KCNQ1OT1: variants seen among roughly 807,000 people sequenced by gnomAD.
KCNQ1OT1 encodes the protein KCNQ1 opposite strand/antisense transcript 1, also known as KCNQ1 antisense RNA 2 (non-protein coding).
chr11:2,616,217 ATTTT>A, exon 1 of KCNQ1OT1: 2 of 384,776 alleles, frequency 5.2e-6, no homozygotes, highest in Non-Finnish European at 9.1e-6. Flanking sequence ...TTTTTTTCTT[ATTTT>A]TGTTTTTTTT....
exon 1 of KCNQ1OT1, chr11:2,640,202 G>A (rs1849551204): frequency 5.1e-6 from 2 of 391,704 alleles, no homozygotes; most frequent in Non-Finnish European, 4.5e-6. Flanking sequence ...TCAGTGGGCT[G>A]CACCCACTGT....
chr11:2,618,934 C>T (rs983802180), exon 1 of KCNQ1OT1: 13 of 398,062 alleles, frequency 3.3e-5, no homozygotes, highest in Non-Finnish European at 4.4e-5. Flanking sequence ...TTTTTTGATG[C>T]TATCATAAAT....
At position 2,612,843 on chromosome 11, in the gene KCNQ1OT1, G is replaced by A. The variant is rs955902206; in HGVS notation, n.87152C>T. ...AAAAACTTACTTTAGATAATATATC[G>A]TAGAAACTCTGGATTCTAGTTCTTC... On this transcript the variant is annotated non_coding_transcript_exon_variant, in exon 1 of 1. Transcript: ENST00000597346. The surrounding 1 kb of genome is among the most constrained non-coding windows in gnomAD (Gnocchi z 5.5). 14 of 398,032 alleles carry A rather than the reference G, an allele frequency of 3.5e-5. No individual in the cohort carries two copies. Among genetic ancestry groups the A allele is most frequent in the South Asian group, 1.3e-4 (1 of 7,838 alleles). The allele number at this position is 398,032 out of a possible 1,614,324, so 24.7% of individuals were successfully genotyped here. A position where few individuals can be genotyped will look rare whatever the true frequency, so the allele number is the denominator to read the frequency against.
At position 2,653,309 on chromosome 11, in the gene KCNQ1OT1, G is replaced by T; in HGVS notation, n.46686C>A. 4 of 398,646 alleles carry T rather than the reference G, an allele frequency of 1.0e-5. No homozygotes were observed. The highest frequency in any genetic ancestry group is 1.8e-5 in the Non-Finnish European group (4 of 226,104). 24.7% of individuals were successfully genotyped at this position (398,646 alleles called of 1,614,324 possible). A position where few individuals can be genotyped will look rare whatever the true frequency, so the allele number is the denominator to read the frequency against. On this transcript the variant is annotated non_coding_transcript_exon_variant, in exon 1 of 1. Coordinates refer to ENST00000597346, the Ensembl canonical transcript of KCNQ1OT1. This position sits in a 1 kb window ranked among gnomAD's most constrained non-coding sequence, Gnocchi z 5.3. ...CAGTGCAGACCAGTTTAGCTATTTT[G>T]TAACCTTGACTGCCCCCAGGCCCAT...
chr11:2,630,318 T>G (rs992770909), exon 1 of KCNQ1OT1: 3 of 398,194 alleles, frequency 7.5e-6, no homozygotes, highest in African/African-American at 6.2e-5. Context: ...TTGATCATAT[T>G]TTGTTGAAAA....
In KCNQ1OT1 at chr11:2,661,670, C is replaced by T. The variant is rs1849958473; in HGVS notation, n.38325G>A. On this transcript the variant is annotated non_coding_transcript_exon_variant, in exon 1 of 1. Coordinates refer to ENST00000597346, the Ensembl canonical transcript of KCNQ1OT1. This position sits in a 1 kb window ranked among gnomAD's most constrained non-coding sequence, Gnocchi z 5.9. Reference sequence around the variant, plus strand: ...TGTGAACATGGGAAGAGGCCCAGAACCTGAGGTGGGGAGAGTCTTGGACAC... The same window carrying T: ...TGTGAACATGGGAAGAGGCCCAGAATCTGAGGTGGGGAGAGTCTTGGACAC... The T allele has an allele frequency of 3.4e-6, 2 of 596,922 alleles. No homozygotes were observed. The highest frequency in any genetic ancestry group is 3.7e-5 in the African/African-American group (2 of 53,796). The allele number at this position is 596,922 out of a possible 1,614,324, so 37.0% of individuals were successfully genotyped here.
In KCNQ1OT1 at chr11:2,664,017, T is replaced by C. The variant is rs1850017455; in HGVS notation, n.35978A>G. On this transcript the variant is annotated non_coding_transcript_exon_variant, in exon 1 of 1. Transcript: ENST00000597346. This position sits in a 1 kb window ranked among gnomAD's most constrained non-coding sequence, Gnocchi z 5.1. Reference sequence around the variant, plus strand: ...CTTTGGGTCTGGCACATTACCATTCTGCAAGATCCTGCAGCCTTTTCAGGT... The same window carrying C: ...CTTTGGGTCTGGCACATTACCATTCCGCAAGATCCTGCAGCCTTTTCAGGT... 1 of 398,750 alleles carries C rather than the reference T, an allele frequency of 2.5e-6. No individual in the cohort carries two copies. Among genetic ancestry groups the C allele is most frequent in the Non-Finnish European group, 4.4e-6 (1 of 226,136 alleles). The allele number at this position is 398,750 out of a possible 1,614,324, so 24.7% of individuals were successfully genotyped here.
At position 2,671,715 on chromosome 11, in the gene KCNQ1OT1, G is replaced by C. The variant is rs1223930503; in HGVS notation, n.28280C>G. The C allele has an allele frequency of 1.5e-5, 6 of 398,584 alleles. No individual in the cohort carries two copies. In the Admixed American group the frequency reaches 2.2e-4, roughly 15 times the overall value. The allele number at this position is 398,584 out of a possible 1,614,324, so 24.7% of individuals were successfully genotyped here. Reference sequence around the variant, plus strand: ...ATAGAGGGTACTTGGGAAGTAGGGTGGTAGGCAAGGCTTTTCAGAGAACAA... The same window carrying C: ...ATAGAGGGTACTTGGGAAGTAGGGTCGTAGGCAAGGCTTTTCAGAGAACAA... On this transcript the variant is annotated non_coding_transcript_exon_variant, in exon 1 of 1. Coordinates refer to ENST00000597346, the Ensembl canonical transcript of KCNQ1OT1. The surrounding 1 kb of genome is among the most constrained non-coding windows in gnomAD (Gnocchi z 4.7).
chr11:2,609,952 T>C, exon 1 of KCNQ1OT1: 1 of 398,084 alleles, frequency 2.5e-6, no homozygotes, highest in Non-Finnish European at 4.4e-6. Flanking sequence ...ATCCTGTTTT[T>C]CAAATCTGGT....
At chr11:2,622,318 T>C (rs547717926) in exon 1 of KCNQ1OT1, 1 of 398,362 alleles carries the variant, frequency 2.5e-6, no homozygotes, top group African/African-American at 2.1e-5. Context: ...TTGTCTCCTA[T>C]AACAATTTTT....
Position 2,668,737 on chromosome 11 carries a change from C to T in KCNQ1OT1, n.31258G>A. ...ACACACACATTGCAAATATCGCCTC[C>T]CCCTCTGCAGGCTGCCTTCTTCCTC... On this transcript the variant is annotated non_coding_transcript_exon_variant, in exon 1 of 1. Transcript: ENST00000597346. The surrounding 1 kb of genome is among the most constrained non-coding windows in gnomAD (Gnocchi z 4.3). The T allele has an allele frequency of 2.5e-6, 1 of 398,604 alleles. No homozygotes were observed. Among genetic ancestry groups the T allele is most frequent in the Non-Finnish European group, 4.4e-6 (1 of 226,074 alleles). The allele number at this position is 398,604 out of a possible 1,614,324, so 24.7% of individuals were successfully genotyped here. A position where few individuals can be genotyped will look rare whatever the true frequency, so the allele number is the denominator to read the frequency against.
rs1849887292 is a variant in KCNQ1OT1 at position 2,658,255 on chromosome 11, C to T, written n.41740G>A. 7.5e-6 allele frequency: 3 copies of T among 398,374 alleles called. No homozygotes were observed. The highest frequency in any genetic ancestry group is 1.3e-4 in the South Asian group (1 of 7,862). The allele number at this position is 398,374 out of a possible 1,614,324, so 24.7% of individuals were successfully genotyped here. On this transcript the variant is annotated non_coding_transcript_exon_variant, in exon 1 of 1. Coordinates refer to ENST00000597346, the Ensembl canonical transcript of KCNQ1OT1. The surrounding 1 kb of genome is among the most constrained non-coding windows in gnomAD (Gnocchi z 4.9). Reference sequence around the variant, plus strand: ...CTGCAGCAAATATTACCGTGATGTACTTCTATTTTCCTCATTCCTTCTACA... The same window carrying T: ...CTGCAGCAAATATTACCGTGATGTATTTCTATTTTCCTCATTCCTTCTACA...
At position 2,671,472 on chromosome 11, in the gene KCNQ1OT1, A is replaced by C; in HGVS notation, n.28523T>G. On this transcript the variant is annotated non_coding_transcript_exon_variant, in exon 1 of 1. Transcript: ENST00000597346. The surrounding 1 kb of genome is among the most constrained non-coding windows in gnomAD (Gnocchi z 4.7). ...AAGAGCAACCCAGCAGGGGATATAC[A>C]CAAAGATCTGAGAAAGGGATTATTT... 2.5e-6 allele frequency: 1 copy of C among 398,620 alleles called. No individual in the cohort carries two copies. Among genetic ancestry groups the C allele is most frequent in the East Asian group, 3.6e-5 (1 of 28,062 alleles). The allele number at this position is 398,620 out of a possible 1,614,324, so 24.7% of individuals were successfully genotyped here. A position where few individuals can be genotyped will look rare whatever the true frequency, so the allele number is the denominator to read the frequency against.
chr11:2,682,676 A>G lies in KCNQ1OT1; in HGVS notation n.17319T>C, dbSNP rs1850419235. 3 of 398,588 alleles carry G rather than the reference A, an allele frequency of 7.5e-6. No homozygotes were observed. Among genetic ancestry groups the G allele is most frequent in the Middle Eastern group, 1.3e-3 (2 of 1,588 alleles). 24.7% of individuals were successfully genotyped at this position (398,588 alleles called of 1,614,324 possible). On this transcript the variant is annotated non_coding_transcript_exon_variant, in exon 1 of 1. Transcript: ENST00000597346. This position sits in a 1 kb window ranked among gnomAD's most constrained non-coding sequence, Gnocchi z 5.8. The stretch of plus-strand genomic sequence containing the variant: ...GGCTCATGTCCACATGCTATTGTCC[A>G]TAGAAGCTGGGGTCCAAAGTTGACC...
chr11:2,650,672 C>A (rs1018474268), exon 1 of KCNQ1OT1: 1 of 398,602 alleles, frequency 2.5e-6, no homozygotes, highest in Non-Finnish European at 4.4e-6. Context: ...GCATTTTAAG[C>A]CTCTTCTCTG....
In KCNQ1OT1 at chr11:2,691,983, C is replaced by T. The variant is rs1850595685; in HGVS notation, n.8012G>A. ...TGCCTTTCTCTATGCAAACCATTTC[C>T]CTAAGCTGTTCCCTCAGCACCAAGG... On this transcript the variant is annotated non_coding_transcript_exon_variant, in exon 1 of 1. Transcript: ENST00000597346. The surrounding 1 kb of genome is among the most constrained non-coding windows in gnomAD (Gnocchi z 6.4). 1 of 398,546 alleles carries T rather than the reference C, an allele frequency of 2.5e-6. No homozygotes were observed. Among genetic ancestry groups the T allele is most frequent in the Admixed American group, 4.4e-5 (1 of 22,720 alleles). The allele number at this position is 398,546 out of a possible 1,614,324, so 24.7% of individuals were successfully genotyped here.
At chr11:2,680,210 A>T in exon 1 of KCNQ1OT1, 5 of 282,556 alleles carry the variant, frequency 1.8e-5, no homozygotes, top group South Asian at 1.6e-4. Flanking sequence ...CCTAATTAAA[A>T]AAAAAAAAAA....
chr11:2,641,015 T>C, exon 1 of KCNQ1OT1: 1 of 398,552 alleles, frequency 2.5e-6, no homozygotes, highest in East Asian at 3.6e-5. Context: ...CTTTGGTCAA[T>C]TAGTATTCCA....
At position 2,624,981 on chromosome 11, in the gene KCNQ1OT1, T is replaced by C. The variant is rs1379547832; in HGVS notation, n.75014A>G. The C allele has an allele frequency of 2.5e-6, 1 of 398,464 alleles. No homozygotes were observed. The highest frequency in any genetic ancestry group is 2.1e-5 in the African/African-American group (1 of 48,624). The allele number at this position is 398,464 out of a possible 1,614,324, so 24.7% of individuals were successfully genotyped here. A position where few individuals can be genotyped will look rare whatever the true frequency, so the allele number is the denominator to read the frequency against. On this transcript the variant is annotated non_coding_transcript_exon_variant, in exon 1 of 1. Transcript: ENST00000597346. The surrounding 1 kb of genome is among the most constrained non-coding windows in gnomAD (Gnocchi z 4.9). Reference sequence around the variant, plus strand: ...TATATACCACATTTTGCTTATCCATTCTTCCATGGACATTTGGGTTGCATT... The same window carrying C: ...TATATACCACATTTTGCTTATCCATCCTTCCATGGACATTTGGGTTGCATT...
Sources: gnomAD v4.1 joint callset for allele counts on GRCh38, gnomAD v4.1.1 for gene constraint, Gnocchi (gnomAD v3.1) non-coding constraint, MANE v1.5 for transcripts, NCBI Gene and HGNC (gene_info 2026-07-23, HGNC 2026-07-21) for gene names.